Variants in SEMA3A observed in about 807,000 individuals in gnomAD.
SEMA3A encodes the protein semaphorin 3A.
In SEMA3A, 29 loss-of-function variants were observed where a neutral mutation model predicts 97.9. The observed-to-expected ratio is 0.30, with a 90% confidence interval of 0.22 to 0.40. The LOEUF (loss-of-function observed/expected upper bound fraction) is 0.40, where lower values mean the gene tolerates loss of function less well. Among genes scored for constraint, SEMA3A ranks in the 10% least tolerant of loss-of-function variants. SEMA3A has a pLI of 1.00. For missense variants in SEMA3A, 763 were observed against 951.3 expected (o/e 0.80, Z 2.60); for synonymous variants, 321 against 323.7 (o/e 0.99, Z 0.09).
intron 3 of SEMA3A, among the ~76,000 whole-genome samples, chr7:84,205,888 A>G (rs1798481318): frequency 6.6e-6 from 1 of 152,370 alleles, no homozygotes. Flanking sequence ...AACTGAGTCT[A>G]TCAGAAAGTG....
At chr7:83,983,940 C>T (rs1584504855) in intron 13 of SEMA3A, among the ~76,000 whole-genome samples, 2 of 152,228 alleles carry the variant, frequency 1.3e-5, no homozygotes, top group East Asian at 3.9e-4. Flanking sequence ...TGCCCATAAG[C>T]ATGAATGAAA....
intron 1 of SEMA3A, among the ~76,000 whole-genome samples, chr7:84,148,140 C>A (rs1265040876): frequency 6.6e-6 from 1 of 152,060 alleles, no homozygotes; most frequent in Non-Finnish European, 1.5e-5. Context: ...GTCTCGAACC[C>A]CTGACCTCAG....
chr7:84,363,456 C>T (rs1802771416), intron 2 of SEMA3A, among the ~76,000 whole-genome samples: 2 of 151,882 alleles, frequency 1.3e-5, no homozygotes, highest in South Asian at 4.1e-4. Context: ...TTTTTCACCC[C>T]AGTTCTTTAA....
rs373163793 is a variant in SEMA3A, at chr7:84,208,308, T to C, written c.-82-13640A>G. The stretch of plus-strand genomic sequence containing the variant: ...TCTACTAAAAATACAAAAAATTAGC[T>C]GGGTGTGGTGGCGGGCGCCTGTAAT... On this transcript the variant is annotated intron_variant, in intron 3 of 3. Transcript: ENST00000424555. 1.6e-3 allele frequency among the ~76,000 whole-genome samples: 243 copies of C among 151,822 alleles called. 8 individuals are homozygous for C. The South Asian group carries it at 0.044, about 27-fold the overall frequency.
At chr7:84,422,578 G>C (rs1263068419) in intron 1 of SEMA3A, among the ~76,000 whole-genome samples, 2 of 151,780 alleles carry the variant, frequency 1.3e-5, no homozygotes, top group Non-Finnish European at 2.9e-5. Context: ...GTTTGCTCTT[G>C]CTTCTCCAGT....
intron 3 of SEMA3A, among the ~76,000 whole-genome samples, chr7:84,126,256 A>T (rs1795788337): frequency 6.6e-6 from 1 of 152,020 alleles, no homozygotes; most frequent in Admixed American, 6.6e-5. Flanking sequence ...CCCAGGCTGG[A>T]GTTCAGTGGC....
intron 5 of SEMA3A, among the ~76,000 whole-genome samples, chr7:84,056,727 A>G (rs1309504725): frequency 1.3e-5 from 2 of 152,146 alleles, no homozygotes; most frequent in Admixed American, 6.5e-5. Context: ...ATCAATAAAT[A>G]TTTTGGCTTC....
intron 1 of SEMA3A, among the ~76,000 whole-genome samples, chr7:84,433,207 C>T (rs548060189): frequency 6.6e-6 from 1 of 151,906 alleles, no homozygotes; most frequent in East Asian, 1.9e-4. Context: ...GGTATTCCAC[C>T]TAATGCTATC....
intron 3 of SEMA3A, among the ~76,000 whole-genome samples, chr7:84,297,866 T>C (rs2115810894): frequency 6.6e-6 from 1 of 152,308 alleles, no homozygotes; most frequent in Non-Finnish European, 1.5e-5. Context: ...TATTTCAGTC[T>C]ATACTCCCAC....
At chr7:84,474,667 C>T (rs1014839189) in intron 1 of SEMA3A, among the ~76,000 whole-genome samples, 1 of 152,100 alleles carries the variant, frequency 6.6e-6, no homozygotes, top group African/African-American at 2.4e-5. Context: ...GCTTCCTCTG[C>T]AGAGTGTGAG....
At chr7:84,023,779 G>A (rs1299846278) in intron 6 of SEMA3A, among the ~76,000 whole-genome samples, 11 of 151,968 alleles carry the variant, frequency 7.2e-5, no homozygotes, top group Admixed American at 6.6e-4. Flanking sequence ...GGGAGGCCGA[G>A]GCGGGTGGAT....
At chr7:84,444,499 T>C (rs1374800509) in intron 1 of SEMA3A, among the ~76,000 whole-genome samples, 1 of 152,238 alleles carries the variant, frequency 6.6e-6, no homozygotes, top group East Asian at 1.9e-4. Flanking sequence ...AGATGAGCCA[T>C]TGCTGTGGGC....
chr7:84,417,274 A>C (rs925796267), intron 1 of SEMA3A, among the ~76,000 whole-genome samples: 1 of 152,114 alleles, frequency 6.6e-6, no homozygotes, highest in East Asian at 1.9e-4. Flanking sequence ...AGAAAGCTAC[A>C]GTGTTGTTTG....
chr7:83,992,263 A>C (rs1255659479), intron 12 of SEMA3A, among the ~76,000 whole-genome samples: 1 of 149,800 alleles, frequency 6.7e-6, no homozygotes, highest in Non-Finnish European at 1.5e-5. Flanking sequence ...TCCTTTCAAA[A>C]AACCAGCTCC....
chr7:84,161,957 T>C (rs888415309), intron 1 of SEMA3A, among the ~76,000 whole-genome samples: 20 of 152,184 alleles, frequency 1.3e-4, no homozygotes. Context: ...GAAAACTGCT[T>C]GGCTCTGCAA....
intron 2 of SEMA3A, among the ~76,000 whole-genome samples, chr7:84,364,372 TA>T (rs1219982487): frequency 6.6e-6 from 1 of 151,700 alleles, no homozygotes; most frequent in Non-Finnish European, 1.5e-5. Context: ...TTTTTTCAAA[TA>T]AAACTTTTAA....
At chr7:84,091,205 AAAGAAAG>A (rs1794580875) in intron 4 of SEMA3A, among the ~76,000 whole-genome samples, 1 of 74,748 alleles carries the variant, frequency 1.3e-5, no homozygotes, top group Non-Finnish European at 2.9e-5. Context: ...AGAAAGAAAG[AAAGAAAG>A]AAAAGAAAAG....
At chr7:84,050,823 T>C (rs1339654081) in intron 5 of SEMA3A, among the ~76,000 whole-genome samples, 6 of 152,134 alleles carry the variant, frequency 3.9e-5, no homozygotes, top group East Asian at 1.9e-4. Flanking sequence ...GGTTTTCTTC[T>C]AGGGTTTTTA....
chr7:84,129,301 C>G (rs777979734), intron 2 of SEMA3A, 116 bp from the exon 3 acceptor site: 5 of 832,576 alleles, frequency 6.0e-6, no homozygotes, highest in Non-Finnish European at 7.8e-6. Context: ...TCCATAAAGA[C>G]TGTTTCAGGA....
Sources: allele counts gnomAD v4.1 joint callset (sites outside exome capture counted in the v4.1 genomes callset), GRCh38; gene constraint gnomAD v4.1.1; transcripts MANE v1.5; gene names NCBI Gene and HGNC (gene_info 2026-07-23, HGNC 2026-07-21).